RBFOX1: variants seen among roughly 807,000 people sequenced by gnomAD.
The protein encoded by RBFOX1 is RNA binding protein fox-1 homolog 1.
In RBFOX1, 8 loss-of-function variants were observed where a neutral mutation model predicts 57.7. That is an observed-to-expected ratio of 0.14 (90% confidence interval 0.08 to 0.25). RBFOX1 has a LOEUF of 0.25. Among genes scored for constraint, RBFOX1 ranks in the 10% least tolerant of loss-of-function variants. RBFOX1 has a pLI of 1.00. For synonymous variants in RBFOX1, 326 were observed against 222.4 expected, an observed-to-expected ratio of 1.47 and a Z score of -4.15; for missense variants, 611 against 548.5, an observed-to-expected ratio of 1.11 and a Z score of -1.14.
At chr16:7,675,650 A>G (rs755796863) in intron 13 of RBFOX1, among the ~76,000 whole-genome samples, 8 of 152,118 alleles carry the variant, frequency 5.3e-5, no homozygotes, top group Admixed American at 3.9e-4. Flanking sequence ...TGCTTCATCT[A>G]TGTCTTATCG....
Position 6,900,967 on chromosome 16 carries a change from G to T in RBFOX1, c.-15-151090G>T, listed in dbSNP as rs1279271583. Among the ~76,000 whole-genome samples the T allele has an allele frequency of 3.3e-5, 5 of 152,184 alleles. No individual in the cohort carries two copies. The East Asian group carries it at 9.6e-4, about 29-fold the overall frequency. ...TGTAGAAGGTGTGAATGCCATTTAAGATGTTCCCATAACGTTCATTAGAAC... is the reference window on the plus strand; with the variant it reads ...TGTAGAAGGTGTGAATGCCATTTAATATGTTCCCATAACGTTCATTAGAAC... On this transcript the variant is annotated intron_variant, in intron 3 of 15. Coordinates refer to ENST00000550418, the MANE Select transcript of RBFOX1 (RefSeq NM_018723.4).
chr16:5,403,514 G>A, intron 1 of RBFOX1, among the ~76,000 whole-genome samples: 1 of 152,080 alleles, frequency 6.6e-6, no homozygotes, highest in Non-Finnish European at 1.5e-5. Context: ...CACAATCTTG[G>A]CTCACCGCAA....
intron 1 of RBFOX1, among the ~76,000 whole-genome samples, chr16:5,276,680 G>A (rs1413208391): frequency 2.6e-5 from 4 of 152,130 alleles, no homozygotes; most frequent in Non-Finnish European, 4.4e-5. Context: ...CTACTCAGGC[G>A]GCTGAGACAG....
chr16:6,193,401 T>TATATA (rs1234463846), intron 1 of RBFOX1, among the ~76,000 whole-genome samples: 13 of 84,868 alleles, frequency 1.5e-4, no homozygotes, highest in African/African-American at 6.5e-4. Flanking sequence ...ACTATATATA[T>TATATA]ATATATATAT....
intron 5 of RBFOX1, among the ~76,000 whole-genome samples, chr16:7,544,535 A>C (rs9921431): frequency 0.17 from 25,732 of 152,132 alleles, 2,736 homozygotes; most frequent in East Asian, 0.36. Context: ...TCCAAGGGGC[A>C]TCAAAGACAG....
intron 3 of RBFOX1, among the ~76,000 whole-genome samples, chr16:6,860,820 A>G (rs2058856767): frequency 6.6e-6 from 1 of 152,218 alleles, no homozygotes; most frequent in African/African-American, 2.4e-5. Flanking sequence ...GACATCATTT[A>G]TGTACAGTTT....
At chr16:6,070,704 T>C (rs1402398140) in intron 1 of RBFOX1, among the ~76,000 whole-genome samples, 1 of 152,104 alleles carries the variant, frequency 6.6e-6, no homozygotes, top group Non-Finnish European at 1.5e-5. Flanking sequence ...TCATATGCTG[T>C]ATAACACAAT....
At chr16:6,654,761 G>T (rs2098634349) in intron 3 of RBFOX1, 111 bp downstream of exon 3, 1 of 698,108 alleles carries the variant, frequency 1.4e-6, no homozygotes, top group African/African-American at 1.9e-5. Context: ...GGTGATTCAC[G>T]GTCTATGACA....
At chr16:6,795,298 C>G (rs746124667) in intron 3 of RBFOX1, among the ~76,000 whole-genome samples, 5 of 152,084 alleles carry the variant, frequency 3.3e-5, no homozygotes, top group Non-Finnish European at 4.4e-5. Flanking sequence ...GAGAGCTCAT[C>G]TAATTCAGTG....
At chr16:7,409,967 G>A (rs939428932) in intron 4 of RBFOX1, among the ~76,000 whole-genome samples, 1 of 152,196 alleles carries the variant, frequency 6.6e-6, no homozygotes, top group Non-Finnish European at 1.5e-5. Context: ...TTCTCTAACA[G>A]TGAGACCAGG....
intron 1 of RBFOX1, among the ~76,000 whole-genome samples, chr16:6,091,068 C>T (rs753717728): frequency 3.2e-4 from 49 of 152,168 alleles, no homozygotes; most frequent in Non-Finnish European, 1.3e-4. Context: ...CTTTTCAAAT[C>T]TTCTTTTCTA....
At chr16:6,779,987 A>ATTT in intron 3 of RBFOX1, among the ~76,000 whole-genome samples, 1 of 38,206 alleles carries the variant, frequency 2.6e-5, no homozygotes, top group African/African-American at 1.5e-4. Flanking sequence ...ATATTTATAT[A>ATTT]TTTATATATT....
At chr16:7,126,939 G>T (rs1600290977) in intron 4 of RBFOX1, among the ~76,000 whole-genome samples, 1 of 151,320 alleles carries the variant, frequency 6.6e-6, no homozygotes, top group East Asian at 1.9e-4. Flanking sequence ...AACCCGGGAG[G>T]CAGAGGTTGC....
intron 2 of RBFOX1, among the ~76,000 whole-genome samples, chr16:6,578,891 G>T (rs569157482): frequency 1.3e-5 from 2 of 152,036 alleles, no homozygotes; most frequent in Non-Finnish European, 2.9e-5. Flanking sequence ...TTGGGGGAAA[G>T]GGTGGGAGTG....
intron 1 of RBFOX1, among the ~76,000 whole-genome samples, chr16:5,321,486 A>T (rs910534382): frequency 2.0e-5 from 3 of 151,880 alleles, no homozygotes; most frequent in African/African-American, 4.8e-5. Flanking sequence ...TGCCTGGCTA[A>T]TTTTTTTGTA....
At chr16:7,132,808 A>C (rs1403269044) in intron 4 of RBFOX1, among the ~76,000 whole-genome samples, 3 of 152,194 alleles carry the variant, frequency 2.0e-5, no homozygotes, top group African/African-American at 7.2e-5. Context: ...GGGCTTATCA[A>C]AATTGAAAAA....
At chr16:5,895,599 T>C (rs1279340446) in intron 4 of RBFOX1, among the ~76,000 whole-genome samples, 3 of 152,142 alleles carry the variant, frequency 2.0e-5, no homozygotes, top group Non-Finnish European at 4.4e-5. Flanking sequence ...AGGAAGGAGG[T>C]ATCAGAATCA....
At position 7,329,494 on chromosome 16, in the gene RBFOX1, C is replaced by G. The variant is rs1017359257; in HGVS notation, c.28-188653C>G. ...AAGGAAGAATCACAGCTCAGCAATA[C>G]TAGGTGCTTCCCATTTGGGAGAGCA... On this transcript the variant is annotated intron_variant, in intron 4 of 15. Transcript: ENST00000550418. Among the ~76,000 whole-genome samples, 10 of 152,222 alleles carry G rather than the reference C, an allele frequency of 6.6e-5. 1 individual carries two copies. Among genetic ancestry groups the G allele is most frequent in the Admixed American group, 5.2e-4 (8 of 15,282 alleles).
intron 3 of RBFOX1, among the ~76,000 whole-genome samples, chr16:5,776,011 C>T (rs1242233474): frequency 5.3e-5 from 8 of 151,926 alleles, no homozygotes; most frequent in East Asian, 1.9e-4. Context: ...GGCTGCAGGG[C>T]AAAGAGCTCT....
Sources: gnomAD v4.1 joint callset for allele counts (sites outside exome capture counted in the v4.1 genomes callset) on GRCh38, gnomAD v4.1.1 for gene constraint, MANE v1.5 for transcripts, NCBI Gene and HGNC (gene_info 2026-07-23, HGNC 2026-07-21) for gene names.